Variants in CCDC50 observed in about 807,000 individuals in gnomAD.
The protein encoded by CCDC50 is coiled-coil domain containing 50.
Under a neutral mutation model 70.2 loss-of-function variants are expected in CCDC50, and 54 were observed. That is an observed-to-expected ratio of 0.77 (90% CI 0.62 to 0.96). The LOEUF (loss-of-function observed/expected upper bound fraction) is 0.96, where lower values mean the gene tolerates loss of function less well. Ranked by LOEUF, CCDC50 falls within the 50% of genes least tolerant of loss-of-function variation. The pLI is 0.00. For synonymous variants in CCDC50, 216 were observed against 198.8 expected, an observed-to-expected ratio of 1.09 and a Z score of -0.73; for missense variants, 558 against 578.7, an observed-to-expected ratio of 0.96 and a Z score of 0.37.
chr3:191,379,031 A>T (rs1193407050), intron 6 of CCDC50, among the ~76,000 whole-genome samples: 1 of 152,082 alleles, frequency 6.6e-6, no homozygotes, highest in Non-Finnish European at 1.5e-5. Context: ...CTTGTATTTT[A>T]TTTTTTTAAA....
intron 8 of CCDC50, 22 bp from the exon 9 acceptor site, chr3:191,380,806 A>T: frequency 6.2e-7 from 1 of 1,607,700 alleles, no homozygotes; most frequent in Non-Finnish European, 8.5e-7. Context: ...GCAGTTAATG[A>T]TATTGACTGT....
chr3:191,376,888 A>C (rs1332154214), intron 6 of CCDC50, among the ~76,000 whole-genome samples: 2 of 152,134 alleles, frequency 1.3e-5, no homozygotes, highest in African/African-American at 4.8e-5. Flanking sequence ...AGGAAGAATG[A>C]TGTACACTGA....
At chr3:191,368,482 G>A (rs1306266189) in intron 4 of CCDC50, among the ~76,000 whole-genome samples, 1 of 151,980 alleles carries the variant, frequency 6.6e-6, no homozygotes, top group Non-Finnish European at 1.5e-5. Context: ...CTATTTGGAT[G>A]AATAGTAAAA....
rs56141214 is a variant in CCDC50, at chr3:191,329,453, C to T, written c.-222C>T. 0.01 allele frequency: 4,836 copies of T among 465,390 alleles called. 49 individuals carry two copies. The highest frequency in any genetic ancestry group is 0.013 in the Non-Finnish European group (3,486 of 265,474). 28.8% of individuals were successfully genotyped at this position (465,390 alleles called of 1,614,324 possible). ...GCCGGGGACGCGGAGCAGGTGGCCGCGGCGGGGCAGCTGGGCCGCCAGCTT... is the reference window on the plus strand; with the variant it reads ...GCCGGGGACGCGGAGCAGGTGGCCGTGGCGGGGCAGCTGGGCCGCCAGCTT... On this transcript the variant is annotated 5_prime_UTR_variant, in exon 1 of 12. Transcript: ENST00000392455.
rs116322564 is a variant in CCDC50, at chr3:191,372,861, C to A, written c.449-2201C>A. Among the ~76,000 whole-genome samples, 937 of 151,928 alleles carry A rather than the reference C, an allele frequency of 6.2e-3. 12 individuals are homozygous for A. Among genetic ancestry groups the A allele is most frequent in the African/African-American group, 0.021 (874 of 41,454 alleles). On this transcript the variant is annotated intron_variant, in intron 5 of 11. Transcript: ENST00000392455. ...TTCAAGTCCTGTCCCCTCCTAAGAA[C>A]AATATTAATTTTAATGAAGTTACGT...
chr3:191,386,267 C>G (rs975769858), intron 10 of CCDC50, among the ~76,000 whole-genome samples: 3 of 146,954 alleles, frequency 2.0e-5, no homozygotes, highest in African/African-American at 7.8e-5. Flanking sequence ...CTCTGCCACC[C>G]AGGCTGGAGT....
intron 1 of CCDC50, among the ~76,000 whole-genome samples, chr3:191,336,132 G>GT (rs879774558): frequency 0.016 from 2,144 of 137,040 alleles, 21 homozygotes; most frequent in African/African-American, 0.033. Context: ...GTGTACAAGT[G>GT]TTTTTTTTTT....
chr3:191,368,570 AAATT>A (rs1712783773), intron 4 of CCDC50, among the ~76,000 whole-genome samples: 1 of 152,096 alleles, frequency 6.6e-6, no homozygotes, highest in South Asian at 2.1e-4. Flanking sequence ...GATGTGAAAA[AAATT>A]AATTCACTTA....
intron 5 of CCDC50, chr3:191,370,403 G>C (rs955519264): frequency 1.1e-5 from 3 of 273,194 alleles, no homozygotes; most frequent in East Asian, 8.8e-5. Context: ...TGTGATGTTT[G>C]CCTTCCTGTA....
At chr3:191,356,696 A>G (rs1240266171) in intron 1 of CCDC50, among the ~76,000 whole-genome samples, 2 of 152,266 alleles carry the variant, frequency 1.3e-5, no homozygotes, top group Admixed American at 6.5e-5. Context: ...CTAATTATGC[A>G]GTAACTCAGT....
At chr3:191,387,714 G>A (rs1444435096) in intron 10 of CCDC50, among the ~76,000 whole-genome samples, 1 of 150,300 alleles carries the variant, frequency 6.7e-6, no homozygotes, top group East Asian at 1.9e-4. Context: ...TAGAAAACTT[G>A]TGGGCATCCT....
In CCDC50 at chr3:191,375,399, T is replaced by G; in HGVS notation, c.786T>G (p.Thr262=). 2.5e-6 allele frequency: 4 copies of G among 1,613,578 alleles called. No individual in the cohort carries two copies. Among genetic ancestry groups the G allele is most frequent in the Non-Finnish European group, 2.5e-6 (3 of 1,179,822 alleles). The change falls in exon 6 of 12, where the codon ACT becomes ACG. Residue 262 remains threonine, a synonymous_variant. Coordinates refer to ENST00000392455, the MANE Select transcript of CCDC50 (RefSeq NM_178335.3). The stretch of plus-strand genomic sequence containing the variant: ...GGGAGACTAAGATTAACCATCAGAC[T>G]CGAAATTGGGAAAAACAGTCTCGAC... The part of the protein sequence containing the change: ...DDWETKINHQ[T]RNWEKQSRHQ...
intron 5 of CCDC50, 63 bp from the exon 6 acceptor site, chr3:191,374,999 G>C: frequency 1.3e-6 from 2 of 1,537,568 alleles, no homozygotes; most frequent in Non-Finnish European, 9.0e-7. Flanking sequence ...TGTGTAGTGA[G>C]TTCATAACTC....
chr3:191,343,813 T>G lies in CCDC50; in HGVS notation c.50-13275T>G, dbSNP rs182676694. The stretch of plus-strand genomic sequence containing the variant: ...GTAAAGTATTAGAGATTTGGTGGGT[T>G]TATTCAGTACCAGTTGTATTTCAAG... On this transcript the variant is annotated intron_variant, in intron 1 of 11. Coordinates refer to ENST00000392455, the MANE Select transcript of CCDC50 (RefSeq NM_178335.3). 3.2e-3 allele frequency among the ~76,000 whole-genome samples: 482 copies of G among 152,344 alleles called. 3 individuals carry two copies. The highest frequency in any genetic ancestry group is 0.011 in the African/African-American group (463 of 41,590).
rs575240044 is a variant in CCDC50 at position 191,358,111 on chromosome 3, C to T, written c.226C>T (p.Arg76Cys). The T allele has an allele frequency of 2.4e-5, 39 of 1,613,760 alleles. No homozygotes were observed. Among genetic ancestry groups the T allele is most frequent in the South Asian group, 3.3e-5 (3 of 91,052 alleles). Residue 76 changes from arginine (R) to cysteine (C), a missense_variant, in exon 3 of 12, where the codon CGC becomes TGC. Coordinates refer to ENST00000392455, the MANE Select transcript of CCDC50 (RefSeq NM_178335.3). ...GAAAGCGCAGGCCCAGCTCCAGAAG[C>T]GCTACAAAGACCTGTGAGGATTTGG... ...DLKAQAQLQK[R>C]YKDLEQQDCE...
chr3:191,340,791 A>G (rs1711694688), intron 1 of CCDC50, among the ~76,000 whole-genome samples: 1 of 152,126 alleles, frequency 6.6e-6, no homozygotes. Flanking sequence ...GCAGTAAACT[A>G]TTGATTATAT....
At position 191,356,994 on chromosome 3, in the gene CCDC50, A is replaced by AT. The variant is rs35377745; in HGVS notation, c.50-86dup. 2.2e-4 allele frequency: 174 copies of AT among 791,992 alleles called. 1 individual carries two copies. Among genetic ancestry groups the AT allele is most frequent in the African/African-American group, 8.9e-4 (51 of 57,174 alleles). 49.1% of individuals were successfully genotyped at this position (791,992 alleles called of 1,614,324 possible). On this transcript the variant is annotated intron_variant, in intron 1 of 11. Coordinates refer to ENST00000392455, the MANE Select transcript of CCDC50 (RefSeq NM_178335.3). ...GTGTCATTCTGAAATATTAGAATTG[A>AT]TTTTTTTTAAAGTAAAAAAAAAAAA... is the stretch of plus-strand genomic sequence containing the variant.
intron 1 of CCDC50, among the ~76,000 whole-genome samples, chr3:191,343,158 T>TGCA (rs1711791148): frequency 2.0e-5 from 3 of 152,222 alleles, no homozygotes; most frequent in African/African-American, 7.2e-5. Flanking sequence ...ATGCACCTAT[T>TGCA]TTGGTATCTG....
intron 1 of CCDC50, among the ~76,000 whole-genome samples, chr3:191,341,716 C>T (rs1037550226): frequency 6.6e-6 from 1 of 151,996 alleles, no homozygotes; most frequent in African/African-American, 2.4e-5. Flanking sequence ...ATATAAATTT[C>T]TTTCTGAAAA....
Sources: gnomAD v4.1 joint callset for allele counts (sites outside exome capture counted in the v4.1 genomes callset) on GRCh38, gnomAD v4.1.1 for gene constraint, MANE v1.5 for transcripts, NCBI Gene and HGNC (gene_info 2026-07-23, HGNC 2026-07-21) for gene names.